The following NFIC variants were observed in gnomAD, a reference collection of about 807,000 sequenced individuals.
NFIC encodes the protein nuclear factor 1 C-type.
NFIC carries 12 observed loss-of-function variants against 54.4 expected under a neutral mutation model. The ratio of observed to expected loss-of-function variants is 0.22; its 90% CI spans 0.14 to 0.36. The LOEUF (loss-of-function observed/expected upper bound fraction) is 0.36, where lower values mean the gene tolerates loss of function less well. NFIC is among the 10% of genes least tolerant of loss of function. NFIC has a pLI of 1.00. For missense variants in NFIC, 575 were observed against 718.2 expected (o/e 0.80, Z 2.28); for synonymous variants, 322 against 319.2 (o/e 1.01, Z -0.09).
rs2082663838 is a variant in NFIC, at chr19:3,463,020, C to T, written c.*251C>T. On this transcript the variant is annotated 3_prime_UTR_variant, in exon 11 of 11. Transcript: ENST00000443272. ...AAGAAGACAAAAGGTAAAGACGCAA[C>T]GTTTCCAACTCTCGGGACGCCAAGG... 1.5e-6 allele frequency: 2 copies of T among 1,365,818 alleles called. No individual in the cohort carries two copies. The highest frequency in any genetic ancestry group is 9.4e-7 in the Non-Finnish European group (1 of 1,064,212). 84.6% of individuals were successfully genotyped at this position (1,365,818 alleles called of 1,614,324 possible). A position where few individuals can be genotyped will look rare whatever the true frequency, so the allele number is the denominator to read the frequency against.
upstream of NFIC, chr19:3,366,547 TGGGGGGGGCGGGGGGGTG>T (rs1266259903): frequency 2.5e-3 from 893 of 353,482 alleles, 4 homozygotes; most frequent in Middle Eastern, 4.3e-3. Context: ...GGGGGGGGGT[TGGGGGGGGCGGGGGGGTG>T]GTTTGGAAAA....
Position 3,452,101 on chromosome 19 carries a change from CAAAAAAAAAAAA to C in NFIC, c.1085-370_1085-359del, listed in dbSNP as rs777727186. On this transcript the variant is annotated intron_variant, in intron 7 of 10. Coordinates refer to ENST00000443272, the MANE Select transcript of NFIC (RefSeq NM_001245002.2). This position sits in a 1 kb window ranked among gnomAD's most constrained non-coding sequence, Gnocchi z 5.3. Reference sequence around the variant, plus strand: ...TGCACTCCAGCCTGGGTGACTGTCTCAAAAAAAAAAAAAAAAAAAAAAGACCAGGCTCAGTGG... The same window carrying C: ...TGCACTCCAGCCTGGGTGACTGTCTCAAAAAAAAAAGACCAGGCTCAGTGG... 1.8e-5 allele frequency among the ~76,000 whole-genome samples: 1 copy of C among 54,530 alleles called. No individual in the cohort carries two copies. Among genetic ancestry groups the C allele is most frequent in the Non-Finnish European group, 4.1e-5 (1 of 24,416 alleles). 35.8% of individuals were successfully genotyped at this position (54,530 alleles called of 152,430 possible).
intron 2 of NFIC, among the ~76,000 whole-genome samples, chr19:3,405,062 G>C (rs1162475961): frequency 1.3e-5 from 2 of 152,192 alleles, no homozygotes; most frequent in Non-Finnish European, 2.9e-5. Context: ...CCAGGCCATG[G>C]AGCCGGCGGG....
At chr19:3,406,183 C>T (rs1044091363) in intron 2 of NFIC, among the ~76,000 whole-genome samples, 1 of 152,176 alleles carries the variant, frequency 6.6e-6, no homozygotes, top group African/African-American at 2.4e-5. Context: ...ACCTCCACCT[C>T]CCAGGTTCAA....
At chr19:3,365,089 G>T (rs549970733), upstream of NFIC, among the ~76,000 whole-genome samples, 11 of 152,312 alleles carry the variant, frequency 7.2e-5, no homozygotes, top group African/African-American at 2.4e-4. Flanking sequence ...TACGCTGCAG[G>T]AATTCTGCTC....
rs71164684 is a variant in NFIC, at chr19:3,377,333, C to CAAAAAAA, written c.31-4361_31-4355dup. Among the ~76,000 whole-genome samples the CAAAAAAA allele has an allele frequency of 1.3e-3, 74 of 57,860 alleles. 4 individuals are homozygous for CAAAAAAA. Among genetic ancestry groups the CAAAAAAA allele is most frequent in the African/African-American group, 5.2e-3 (71 of 13,760 alleles). 38.0% of individuals were successfully genotyped at this position (57,860 alleles called of 152,430 possible). On this transcript the variant is annotated intron_variant, in intron 1 of 10. Transcript: ENST00000443272. ...TGGGTGACAGAGCGAGACTCTGTCT[C>CAAAAAAA]AAAAAAAAAAAAAAAAAAAAAAAAT... is the stretch of plus-strand genomic sequence containing the variant.
At chr19:3,362,483 GTGA>G (rs1340488205), upstream of NFIC, among the ~76,000 whole-genome samples, 1 of 151,940 alleles carries the variant, frequency 6.6e-6, no homozygotes, top group Non-Finnish European at 1.5e-5. Flanking sequence ...GGGGAAGGCT[GTGA>G]TGATATATGG....
Position 3,369,765 on chromosome 19 carries a change from G to A in NFIC, c.30+3099G>A, listed in dbSNP as rs1305739049. On this transcript the variant is annotated intron_variant, in intron 1 of 10. Coordinates refer to ENST00000443272, the MANE Select transcript of NFIC (RefSeq NM_001245002.2). The surrounding 1 kb of genome is among the most constrained non-coding windows in gnomAD (Gnocchi z 4.3). ...CCTCCCTCCCTGCCTCCCTCCCGCT[G>A]GCGCCACCGCCACGTTAGTTATTCC... Among the ~76,000 whole-genome samples, 2 of 152,180 alleles carry A rather than the reference G, an allele frequency of 1.3e-5. No homozygotes were observed. The highest frequency in any genetic ancestry group is 1.5e-5 in the Non-Finnish European group (1 of 68,014).
chr19:3,376,428 C>CAAAAAAAAAAAAAAAAAA (rs35724239), intron 1 of NFIC, among the ~76,000 whole-genome samples: 2 of 48,170 alleles, frequency 4.2e-5, no homozygotes, highest in Non-Finnish European at 3.6e-5. Flanking sequence ...GACACTGTCT[C>CAAAAAAAAAAAAAAAAAA]AAAAAAAAAA....
rs2082165558 is a variant in NFIC, at chr19:3,434,369, A to G, written c.802A>G (p.Arg268Gly). Residue 268 changes from arginine (R) to glycine (G), a missense_variant, in exon 5 of 11, where the codon AGA becomes GGA. Arg to Gly is a moderately radical substitution (Grantham distance 125, BLOSUM62 -2). Transcript: ENST00000443272. ...YDLNPASTGL[R>G]RTLPSTSSSG... ...CCTGAACCCAGCCAGCACTGGCCTC[A>G]GAAGAACGCTGCCCAGCACCTCCTC... is the stretch of plus-strand genomic sequence containing the variant. The G allele has an allele frequency of 6.2e-7, 1 of 1,612,408 alleles. No individual in the cohort carries two copies. Among genetic ancestry groups the G allele is most frequent in the South Asian group, 1.1e-5 (1 of 90,880 alleles).
intron 6 of NFIC, among the ~76,000 whole-genome samples, chr19:3,437,316 T>C (rs2082219124): frequency 1.3e-5 from 2 of 150,294 alleles, no homozygotes; most frequent in East Asian, 2.0e-4. Context: ...TGCAGTGAGC[T>C]GAGATGGCGC....
chr19:3,402,077 ACT>A (rs1440733882), intron 2 of NFIC, among the ~76,000 whole-genome samples: 1 of 133,416 alleles, frequency 7.5e-6, no homozygotes, highest in African/African-American at 2.8e-5. Context: ...ACGAAGTCTC[ACT>A]CTGTCACCCA....
intron 7 of NFIC, among the ~76,000 whole-genome samples, chr19:3,451,978 A>G (rs1249267945): frequency 6.6e-6 from 1 of 151,938 alleles, no homozygotes; most frequent in Non-Finnish European, 1.5e-5. Flanking sequence ...TTAGCCAGGC[A>G]TGGCGGCGTG....
At chr19:3,361,919 G>T (rs1008116192), upstream of NFIC, among the ~76,000 whole-genome samples, 2 of 152,152 alleles carry the variant, frequency 1.3e-5, no homozygotes, top group Non-Finnish European at 2.9e-5. Flanking sequence ...ACCACACAGA[G>T]ACTCACATAG....
In NFIC at chr19:3,449,011, C is replaced by T. The variant is rs111696257; in HGVS notation, c.959-3C>T. 15 of 1,612,068 alleles carry T rather than the reference C, an allele frequency of 9.3e-6. No individual in the cohort carries two copies. Among genetic ancestry groups the T allele is most frequent in the African/African-American group, 5.3e-5 (4 of 75,006 alleles). On this transcript the variant is annotated splice_region_variant and splice_polypyrimidine_tract_variant and intron_variant, in intron 6 of 10. Coordinates refer to ENST00000443272, the MANE Select transcript of NFIC (RefSeq NM_001245002.2). ...TGACTCTCTCGTCCCATCCCCTCCA[C>T]AGGCATCTCGTCCCCGGTGAAGAAG...
At position 3,391,721 on chromosome 19, in the gene NFIC, C is replaced by T. The variant is rs925205395; in HGVS notation, c.562+9478C>T. 9.2e-5 allele frequency among the ~76,000 whole-genome samples: 14 copies of T among 152,152 alleles called. 1 individual carries two copies. The highest frequency in any genetic ancestry group is 4.6e-4 in the Admixed American group (7 of 15,272). On this transcript the variant is annotated intron_variant, in intron 2 of 10. Coordinates refer to ENST00000443272, the MANE Select transcript of NFIC (RefSeq NM_001245002.2). ...CTGAGGCAGGAGAATCACTTGAACC[C>T]GGGAGGCGGAGGTTGCGGTGAGCTG... is the stretch of plus-strand genomic sequence containing the variant.
intron 2 of NFIC, among the ~76,000 whole-genome samples, chr19:3,396,551 C>G (rs1281206370): frequency 1.3e-5 from 2 of 152,098 alleles, no homozygotes; most frequent in Admixed American, 1.3e-4. Context: ...GGTCTGGATC[C>G]CAGCCTGTCT....
At chr19:3,400,203 C>T (rs1404570078) in intron 2 of NFIC, among the ~76,000 whole-genome samples, 6 of 152,110 alleles carry the variant, frequency 3.9e-5, no homozygotes, top group Admixed American at 3.3e-4. Context: ...TGGCCAGGCA[C>T]GGTGGCTCAC....
rs893207932 is a variant in NFIC at position 3,463,791 on chromosome 19, G to A, written c.*1022G>A. ...CGAGTTGGGGGTGCCCGTCTGGAGC[G>A]CCCCCGTCAGCCCCTGGCGGTGGGA... is the stretch of plus-strand genomic sequence containing the variant. On this transcript the variant is annotated 3_prime_UTR_variant, in exon 11 of 11. Transcript: ENST00000443272. 8.1e-6 allele frequency: 8 copies of A among 985,020 alleles called. No homozygotes were observed. Among genetic ancestry groups the A allele is most frequent in the African/African-American group, 1.7e-5 (1 of 57,156 alleles). The allele number at this position is 985,020 out of a possible 1,614,324, so 61.0% of individuals were successfully genotyped here.
Sources: allele counts gnomAD v4.1 joint callset (sites outside exome capture counted in the v4.1 genomes callset), GRCh38; gene constraint gnomAD v4.1.1; non-coding constraint Gnocchi (gnomAD v3.1); transcripts MANE v1.5; gene names NCBI Gene and HGNC (gene_info 2026-07-23, HGNC 2026-07-21).